CALD1: variants seen among roughly 807,000 people sequenced by gnomAD.
CALD1 encodes caldesmon 1, also known as caldesmon.
In CALD1, 33 loss-of-function variants were observed where a neutral mutation model predicts 99.9. The observed-to-expected ratio is 0.33, with a 90% CI of 0.25 to 0.44. The LOEUF (loss-of-function observed/expected upper bound fraction) is 0.44. Among genes scored for constraint, CALD1 ranks in the 20% least tolerant of loss-of-function variants. CALD1 has a pLI of 1.00. For missense variants in CALD1, 861 were observed against 962.1 expected (o/e 0.89, Z 1.39); for synonymous variants, 310 against 325.0 (o/e 0.95, Z 0.50).
chr7:134,958,040 T>A (rs911588697), intron 9 of CALD1, 29 bp from the exon 10 acceptor site: 13 of 1,519,160 alleles, frequency 8.6e-6, no homozygotes, highest in African/African-American at 1.4e-5. Context: ...GAAATATTAA[T>A]TGGGTTTATT....
chr7:134,848,098 A>G (rs995061314), intron 2 of CALD1, among the ~76,000 whole-genome samples: 18 of 123,862 alleles, frequency 1.5e-4, no homozygotes, highest in Admixed American at 4.0e-4. Flanking sequence ...CAGTCTGGGG[A>G]AAAAAAAAAA....
chr7:134,765,134 G>A (rs934395277), intron 1 of CALD1, among the ~76,000 whole-genome samples: 1 of 152,062 alleles, frequency 6.6e-6, no homozygotes, highest in Non-Finnish European at 1.5e-5. Context: ...GGCCAACATG[G>A]TGAAACCCTG....
At chr7:134,777,093 AG>A (rs1285805017), upstream of CALD1, among the ~76,000 whole-genome samples, 1 of 152,208 alleles carries the variant, frequency 6.6e-6, no homozygotes, top group Non-Finnish European at 1.5e-5. Flanking sequence ...CTCTGGAAAA[AG>A]TAAATACTAT....
intron 2 of CALD1, among the ~76,000 whole-genome samples, chr7:134,845,118 C>T (rs745648247): frequency 6.6e-6 from 1 of 152,172 alleles, no homozygotes; most frequent in African/African-American, 2.4e-5. Flanking sequence ...GATTACATTA[C>T]TCTCAGAGCA....
chr7:134,711,606 A>T, the CALD1 span, among the ~76,000 whole-genome samples: 1 of 142,748 alleles, frequency 7.0e-6, no homozygotes, highest in Non-Finnish European at 1.5e-5. Flanking sequence ...ATGTGAGCCA[A>T]TTCCTTAAAA....
intron 1 of CALD1, among the ~76,000 whole-genome samples, chr7:134,802,357 C>T (rs1245165651): frequency 1.3e-5 from 2 of 152,080 alleles, no homozygotes; most frequent in African/African-American, 4.8e-5. Context: ...CTGTTTTGTG[C>T]AACATAATGT....
intron 3 of CALD1, among the ~76,000 whole-genome samples, chr7:134,881,305 T>A (rs1554449668): frequency 6.6e-6 from 1 of 152,164 alleles, no homozygotes; most frequent in East Asian, 1.9e-4. Flanking sequence ...CTCTGGCACT[T>A]TTTTTCTTTG....
At chr7:134,787,367 G>T (rs1457260966) in intron 1 of CALD1, among the ~76,000 whole-genome samples, 7 of 152,154 alleles carry the variant, frequency 4.6e-5, no homozygotes, top group African/African-American at 1.7e-4. Context: ...AGGCTTAGGG[G>T]GAGGGGTGAA....
chr7:134,831,330 T>A (rs901054162), intron 1 of CALD1, among the ~76,000 whole-genome samples: 1 of 151,878 alleles, frequency 6.6e-6, no homozygotes, highest in Non-Finnish European at 1.5e-5. Context: ...ATTTCTTTCT[T>A]TTTTTTTGAG....
intron 1 of CALD1, among the ~76,000 whole-genome samples, chr7:134,825,464 T>C (rs1250210607): frequency 6.6e-6 from 1 of 152,296 alleles, no homozygotes; most frequent in East Asian, 1.9e-4. Flanking sequence ...TGCTATAAAA[T>C]ATCTAAGCAT....
At chr7:134,858,383 C>A (rs1222589360) in intron 2 of CALD1, among the ~76,000 whole-genome samples, 2 of 152,002 alleles carry the variant, frequency 1.3e-5, no homozygotes, top group African/African-American at 4.8e-5. Context: ...GGAGAGAGTA[C>A]CAATGAGGGA....
chr7:134,864,397 T>C (rs1800708291), intron 2 of CALD1, among the ~76,000 whole-genome samples: 1 of 117,970 alleles, frequency 8.5e-6, no homozygotes, highest in Non-Finnish European at 1.7e-5. Context: ...GAAATCTTTT[T>C]TCTTTCCTTT....
chr7:134,834,529 C>G (rs1319369543), intron 1 of CALD1, among the ~76,000 whole-genome samples: 1 of 152,186 alleles, frequency 6.6e-6, no homozygotes. Context: ...AGCTGAGAAG[C>G]CTTGGGTAAA....
At chr7:134,966,722 ATAGTTATTCAATTCCT>A (rs1808706824) in intron 14 of CALD1, among the ~76,000 whole-genome samples, 1 of 152,286 alleles carries the variant, frequency 6.6e-6, no homozygotes, top group East Asian at 1.9e-4. Context: ...GAGAAAATGT[ATAGTTATTCAATTCCT>A]TGTATAATTT....
At chr7:134,823,061 C>T (rs1300535534) in intron 1 of CALD1, among the ~76,000 whole-genome samples, 5 of 152,260 alleles carry the variant, frequency 3.3e-5, no homozygotes, top group Admixed American at 6.5e-5. Context: ...CCTGTCCCTC[C>T]ACATGCCCCC....
At chr7:134,927,125 G>C (rs905178155) in intron 3 of CALD1, among the ~76,000 whole-genome samples, 1 of 152,000 alleles carries the variant, frequency 6.6e-6, no homozygotes, top group Admixed American at 6.6e-5. Flanking sequence ...TTGGCACTCT[G>C]TATCTCAGTA....
chr7:134,890,069 C>T (rs1252877332), intron 3 of CALD1, among the ~76,000 whole-genome samples: 4 of 152,088 alleles, frequency 2.6e-5, no homozygotes, highest in South Asian at 2.1e-4. Context: ...CCACCAAGCC[C>T]GGGTAATTTT....
chr7:134,752,409 CA>C (rs2131564456), intron 1 of CALD1, among the ~76,000 whole-genome samples: 1 of 152,278 alleles, frequency 6.6e-6, no homozygotes, highest in Non-Finnish European at 1.5e-5. Flanking sequence ...TTTTAGCACA[CA>C]AAAGTTTAGC....
chr7:134,841,104 G>C (rs1799631056), intron 1 of CALD1, among the ~76,000 whole-genome samples: 1 of 151,858 alleles, frequency 6.6e-6, no homozygotes, highest in African/African-American at 2.4e-5. Flanking sequence ...TTTTTTTCGT[G>C]GAAAGATGGT....
Sources: gnomAD v4.1 joint callset for allele counts (sites outside exome capture counted in the v4.1 genomes callset) on GRCh38, gnomAD v4.1.1 for gene constraint, MANE v1.5 for transcripts, NCBI Gene and HGNC (gene_info 2026-07-23, HGNC 2026-07-21) for gene names.